Variants in CRIM1 observed in about 807,000 individuals in gnomAD.
The protein encoded by CRIM1 is cysteine-rich motor neuron 1 protein.
CRIM1 carries 32 observed loss-of-function variants against 116.4 expected under a neutral mutation model. That is an observed-to-expected ratio of 0.27 (90% CI 0.21 to 0.37). The LOEUF is 0.37. Among genes scored for constraint, CRIM1 ranks in the 10% least tolerant of loss-of-function variants. The pLI is 1.00. For missense variants in CRIM1, 1,331 were observed against 1,354.8 expected, an observed-to-expected ratio of 0.98 and a Z score of 0.28; for synonymous variants, 590 against 509.2, an observed-to-expected ratio of 1.16 and a Z score of -2.13.
intron 4 of CRIM1, among the ~76,000 whole-genome samples, chr2:36,448,455 T>C (rs1558596627): frequency 6.6e-6 from 1 of 152,232 alleles, no homozygotes; most frequent in African/African-American, 2.4e-5. Flanking sequence ...CTCCAGTGTT[T>C]GGACCTAATT....
chr2:36,542,930 TATG>T (rs1472481551), intron 14 of CRIM1, among the ~76,000 whole-genome samples: 8 of 152,162 alleles, frequency 5.3e-5, no homozygotes, highest in African/African-American at 1.9e-4. Context: ...GTAATTCTGA[TATG>T]ATTTTTAAAA....
At chr2:36,404,229 A>G (rs1308334126) in intron 2 of CRIM1, among the ~76,000 whole-genome samples, 5 of 152,206 alleles carry the variant, frequency 3.3e-5, no homozygotes, top group Non-Finnish European at 7.3e-5. Context: ...ATTGAGATGT[A>G]TAAAATGGAA....
intron 8 of CRIM1, among the ~76,000 whole-genome samples, chr2:36,505,320 C>G (rs1681315363): frequency 6.6e-6 from 1 of 152,076 alleles, no homozygotes; most frequent in Non-Finnish European, 1.5e-5. Flanking sequence ...TGACATGTAA[C>G]AAAACCAGTT....
chr2:36,391,793 G>C (rs1218668318), intron 1 of CRIM1, among the ~76,000 whole-genome samples: 3 of 123,714 alleles, frequency 2.4e-5, no homozygotes, highest in Non-Finnish European at 5.2e-5. Context: ...TTGCACTAAT[G>C]GTGCAAAAAA....
intron 2 of CRIM1, among the ~76,000 whole-genome samples, chr2:36,397,351 CT>C (rs1343110604): frequency 6.6e-6 from 1 of 152,080 alleles, no homozygotes; most frequent in African/African-American, 2.4e-5. Flanking sequence ...TGGCTCATAA[CT>C]TTTGTACATT....
intron 1 of CRIM1, among the ~76,000 whole-genome samples, chr2:36,389,686 A>G (rs1416929725): frequency 6.6e-6 from 1 of 152,216 alleles, no homozygotes; most frequent in Non-Finnish European, 1.5e-5. Flanking sequence ...CTGAGCATAC[A>G]AATGCCTTCC....
intron 13 of CRIM1, among the ~76,000 whole-genome samples, chr2:36,528,602 T>C (rs549426959): frequency 5.3e-5 from 8 of 152,196 alleles, no homozygotes; most frequent in Non-Finnish European, 8.8e-5. Flanking sequence ...CGCACCCTCA[T>C]AGGGAGATGT....
intron 2 of CRIM1, among the ~76,000 whole-genome samples, chr2:36,434,770 T>G (rs1358220742): frequency 6.6e-6 from 1 of 152,264 alleles, no homozygotes; most frequent in Non-Finnish European, 1.5e-5. Flanking sequence ...AGTTTAGATT[T>G]CTTATTAATA....
intron 1 of CRIM1, among the ~76,000 whole-genome samples, chr2:36,364,108 CTG>C (rs1171731291): frequency 1.3e-5 from 2 of 152,192 alleles, no homozygotes; most frequent in Non-Finnish European, 2.9e-5. Context: ...TGAGATAAAA[CTG>C]TGCTTCTGAA....
At chr2:36,502,521 T>A (rs1267815286) in intron 8 of CRIM1, among the ~76,000 whole-genome samples, 1 of 152,204 alleles carries the variant, frequency 6.6e-6, no homozygotes, top group Non-Finnish European at 1.5e-5. Context: ...CTGGCCTTCC[T>A]TCCTTCCTTT....
intron 14 of CRIM1, 111 bp downstream of exon 14, chr2:36,537,657 C>A (rs1338270259): frequency 1.6e-5 from 19 of 1,214,646 alleles, no homozygotes; most frequent in Non-Finnish European, 2.1e-5. Flanking sequence ...GCCCAAGTAG[C>A]GTGTCAGGCC....
chr2:36,482,304 A>G (rs1459423470), intron 7 of CRIM1, among the ~76,000 whole-genome samples: 1 of 152,176 alleles, frequency 6.6e-6, no homozygotes, highest in Admixed American at 6.5e-5. Context: ...TAATGCTTTC[A>G]TTTTAAGATG....
At chr2:36,400,475 C>T (rs907175204) in intron 2 of CRIM1, among the ~76,000 whole-genome samples, 1 of 152,074 alleles carries the variant, frequency 6.6e-6, no homozygotes, top group African/African-American at 2.4e-5. Flanking sequence ...GTAAATGCCA[C>T]ACCTCCGTGT....
At chr2:36,473,160 T>C (rs1678671238) in intron 5 of CRIM1, among the ~76,000 whole-genome samples, 3 of 152,234 alleles carry the variant, frequency 2.0e-5, no homozygotes, top group Admixed American at 1.3e-4. Flanking sequence ...GTAATTGTCC[T>C]TGAGTACAAT....
chr2:36,527,121 T>C (rs1665808858), intron 13 of CRIM1, among the ~76,000 whole-genome samples: 2 of 151,580 alleles, frequency 1.3e-5, no homozygotes, highest in African/African-American at 4.8e-5. Flanking sequence ...ACTTCAGAAA[T>C]TGTGGATGAT....
chr2:36,489,527 A>G (rs1248979386), intron 7 of CRIM1, among the ~76,000 whole-genome samples: 1 of 152,182 alleles, frequency 6.6e-6, no homozygotes, highest in South Asian at 2.1e-4. Flanking sequence ...TAGTCCTGTG[A>G]CAGAGATACT....
At chr2:36,527,939 C>G (rs1416073338) in intron 13 of CRIM1, among the ~76,000 whole-genome samples, 5 of 152,020 alleles carry the variant, frequency 3.3e-5, no homozygotes, top group African/African-American at 4.8e-5. Flanking sequence ...AATCACAGCT[C>G]TGTCACATTC....
intron 2 of CRIM1, among the ~76,000 whole-genome samples, chr2:36,438,786 G>C (rs1318381965): frequency 1.3e-5 from 2 of 152,178 alleles, no homozygotes; most frequent in Non-Finnish European, 2.9e-5. Context: ...TGATTCCTGA[G>C]ACAGGAGTCA....
chr2:36,532,104 G>A lies in CRIM1; in HGVS notation c.2429-5248G>A, dbSNP rs200779168. The A allele has an allele frequency of 2.0e-4, 81 of 408,724 alleles. No homozygotes were observed. The East Asian group carries it at 4.1e-3, about 21-fold the overall frequency. 25.3% of individuals were successfully genotyped at this position (408,724 alleles called of 1,614,324 possible). A position where few individuals can be genotyped will look rare whatever the true frequency, so the allele number is the denominator to read the frequency against. On this transcript the variant is annotated intron_variant, in intron 13 of 16. Transcript: ENST00000280527. Reference sequence around the variant, plus strand: ...GCTGAGAAAAATAAGTAGCGAAGCCGATCTAAACCAAGGTGTAACTGTGAA... The same window carrying A: ...GCTGAGAAAAATAAGTAGCGAAGCCAATCTAAACCAAGGTGTAACTGTGAA...
Sources: gnomAD v4.1 joint callset for allele counts (sites outside exome capture counted in the v4.1 genomes callset) on GRCh38, gnomAD v4.1.1 for gene constraint, MANE v1.5 for transcripts, NCBI Gene and HGNC (gene_info 2026-07-23, HGNC 2026-07-21) for gene names.